The following PNPLA8 variants were observed in gnomAD, a reference collection of about 807,000 sequenced individuals.
The protein encoded by PNPLA8 is patatin like domain 8, phospholipase A2.
Under a neutral mutation model 76.9 loss-of-function variants are expected in PNPLA8, and 39 were observed. The observed-to-expected ratio is 0.51, with a 90% CI of 0.39 to 0.66. The LOEUF (loss-of-function observed/expected upper bound fraction) is 0.66, where lower values mean the gene tolerates loss of function less well. Ranked by LOEUF, PNPLA8 falls within the 30% of genes least tolerant of loss-of-function variation. PNPLA8 has a pLI of 0.00. For missense variants in PNPLA8, 887 were observed against 918.0 expected, an observed-to-expected ratio of 0.97 and a Z score of 0.44; for synonymous variants, 301 against 307.9, an observed-to-expected ratio of 0.98 and a Z score of 0.24.
At position 108,514,870 on chromosome 7, in the gene PNPLA8, A is replaced by T. The variant is rs776012163; in HGVS notation, c.622T>A (p.Ser208Thr). ...TTGAAATATGAATTAATATGATTTG[A>T]TAAAAAGTAGAATGAGTCTCCAAAT... ...TKFGDSFYFL[S>T]NHINSYFKRK... is the part of the protein sequence containing the mutation. The change falls in exon 3 of 11, where the codon TCA (serine) becomes ACA (threonine). Residue 208 changes from serine to threonine, a missense_variant. Transcript: ENST00000257694. 1.2e-6 allele frequency: 2 copies of T among 1,609,656 alleles called. No individual in the cohort carries two copies. The highest frequency in any genetic ancestry group is 2.7e-5 in the African/African-American group (2 of 74,652).
At chr7:108,522,974 G>A (rs148331580) in intron 1 of PNPLA8, among the ~76,000 whole-genome samples, 1 of 152,258 alleles carries the variant, frequency 6.6e-6, no homozygotes, top group East Asian at 1.9e-4. Flanking sequence ...CACAACACTA[G>A]TAAATGCAAG....
chr7:108,519,413 T>C (rs74712645), intron 2 of PNPLA8, among the ~76,000 whole-genome samples: 1 of 152,028 alleles, frequency 6.6e-6, no homozygotes, highest in African/African-American at 2.4e-5. Flanking sequence ...GAAGAAAGCA[T>C]GTAAGAAAGC....
chr7:108,502,230 G>A (rs1254541354), intron 5 of PNPLA8, among the ~76,000 whole-genome samples: 1 of 151,686 alleles, frequency 6.6e-6, no homozygotes, highest in Non-Finnish European at 1.5e-5. Flanking sequence ...ATCACCTGGC[G>A]TCAGGAGTTT....
rs1205794089 is a variant in PNPLA8 at position 108,487,889 on chromosome 7, T to C, written c.1748A>G (p.Tyr583Cys). 8 of 1,613,552 alleles carry C rather than the reference T, an allele frequency of 5.0e-6. No individual in the cohort carries two copies. Among genetic ancestry groups the C allele is most frequent in the Non-Finnish European group, 5.9e-6 (7 of 1,179,538 alleles). ...AGAGTTGATTCCAGGAAAATGACCA[T>C]AGTTTCTGAACACAAAAGCTTTGGG... The part of the protein sequence containing the change: ...ITPKAFVFRN[Y>C]GHFPGINSHY... The change falls in exon 9 of 11, where the codon TAT (tyrosine) becomes TGT (cysteine). Residue 583 changes from tyrosine (Y) to cysteine (C), a missense_variant. Tyr to Cys is a radical substitution (Grantham distance 194, BLOSUM62 -2). Coordinates refer to ENST00000257694, the MANE Select transcript of PNPLA8 (RefSeq NM_001256007.3).
upstream of PNPLA8, chr7:108,526,370 GC>G (rs202195400): frequency 2.1e-3 from 327 of 154,112 alleles, no homozygotes; most frequent in African/African-American, 7.1e-3. Flanking sequence ...GTGCGTGCGT[GC>G]GTGATGCGCG....
chr7:108,525,948 C>T (rs1003248564), intron 1 of PNPLA8, 81 bp downstream of exon 1: 1 of 607,374 alleles, frequency 1.6e-6, no homozygotes, highest in Non-Finnish European at 2.1e-6. Context: ...AAAGAAAGGA[C>T]GACCCGGAGC....
chr7:108,477,384 A>G (rs1860075754), intron 10 of PNPLA8, among the ~76,000 whole-genome samples: 1 of 152,204 alleles, frequency 6.6e-6, no homozygotes, highest in African/African-American at 2.4e-5. Context: ...TTTTCATTCA[A>G]TGAATAAAAG....
intron 2 of PNPLA8, among the ~76,000 whole-genome samples, chr7:108,519,530 T>C (rs1275684849): frequency 2.0e-5 from 3 of 152,122 alleles, no homozygotes. Flanking sequence ...GAGAACCTAT[T>C]CCAATTGTCC....
intron 4 of PNPLA8, chr7:108,510,793 G>C: frequency 6.2e-7 from 1 of 1,601,354 alleles, no homozygotes; most frequent in Non-Finnish European, 8.5e-7. Flanking sequence ...TCTGCATGGA[G>C]GATCTGATTC....
intron 7 of PNPLA8, among the ~76,000 whole-genome samples, chr7:108,495,143 A>G (rs1861461661): frequency 6.6e-6 from 1 of 152,176 alleles, no homozygotes; most frequent in South Asian, 2.1e-4. Context: ...TGAAGAACAA[A>G]TTCAGCCATG....
At chr7:108,510,339 T>A (rs534186748) in intron 4 of PNPLA8, 2 of 1,585,632 alleles carry the variant, frequency 1.3e-6, no homozygotes, top group Admixed American at 1.7e-5. Flanking sequence ...AGAAAGAAGT[T>A]TGCCCAAAAG....
chr7:108,496,867 T>C, intron 6 of PNPLA8, 112 bp from the exon 7 acceptor site: 1 of 787,510 alleles, frequency 1.3e-6, no homozygotes, highest in Non-Finnish European at 2.0e-6. Flanking sequence ...TTTCTAGCTA[T>C]GTCACCTGGG....
At chr7:108,505,848 A>AT (rs1365987486) in intron 4 of PNPLA8, among the ~76,000 whole-genome samples, 2 of 152,186 alleles carry the variant, frequency 1.3e-5, no homozygotes, top group Non-Finnish European at 2.9e-5. Context: ...CATACCGCAC[A>AT]TATGACAAGT....
rs945576571 is a variant in PNPLA8 at position 108,514,411 on chromosome 7, C to T, written c.1056+25G>A. ...ATAAATTTGACAAAAAGTAATAGAA[C>T]CGAAAAGCACACTGAACAACTTGCC... is the stretch of plus-strand genomic sequence containing the variant. On this transcript the variant is annotated intron_variant, in intron 3 of 10. Transcript: ENST00000257694. The T allele has an allele frequency of 7.0e-6, 11 of 1,577,832 alleles. No individual in the cohort carries two copies. In the East Asian group the frequency reaches 9.0e-5, roughly 13 times the overall value.
chr7:108,473,877 T>C (rs1345813652), intron 10 of PNPLA8, among the ~76,000 whole-genome samples: 1 of 152,132 alleles, frequency 6.6e-6, no homozygotes, highest in African/African-American at 2.4e-5. Context: ...GATAGTTTTT[T>C]ATTTTTCTGT....
intron 9 of PNPLA8, among the ~76,000 whole-genome samples, chr7:108,480,888 G>T (rs1207089682): frequency 1.3e-5 from 2 of 152,008 alleles, no homozygotes; most frequent in African/African-American, 4.8e-5. Context: ...TGTCTTTGTA[G>T]GCACCCCTCC....
chr7:108,495,119 T>TA (rs1274233019), intron 7 of PNPLA8, among the ~76,000 whole-genome samples: 1 of 152,164 alleles, frequency 6.6e-6, no homozygotes, highest in Admixed American at 6.5e-5. Flanking sequence ...ATGAATAAGC[T>TA]AAAACCACTG....
At chr7:108,507,204 G>A (rs373985381) in intron 4 of PNPLA8, among the ~76,000 whole-genome samples, 10 of 151,850 alleles carry the variant, frequency 6.6e-5, no homozygotes, top group Admixed American at 1.3e-4. Context: ...TTAGCTGGGC[G>A]TGGTGGCGGG....
intron 3 of PNPLA8, 43 bp from the exon 4 acceptor site, chr7:108,514,336 G>A: frequency 6.4e-7 from 1 of 1,551,122 alleles, no homozygotes; most frequent in Non-Finnish European, 8.8e-7. Flanking sequence ...ATACAAAACT[G>A]CTCTAAAGAA....
Sources: allele counts gnomAD v4.1 joint callset (sites outside exome capture counted in the v4.1 genomes callset), GRCh38; gene constraint gnomAD v4.1.1; transcripts MANE v1.5; gene names NCBI Gene and HGNC (gene_info 2026-07-23, HGNC 2026-07-21).